The following TLCD4 variants were observed in gnomAD, a reference collection of about 807,000 sequenced individuals.
The protein encoded by TLCD4 is TLC domain containing 4, also known as TLC domain-containing protein 4.
Under a neutral mutation model 24.2 loss-of-function variants are expected in TLCD4, and 7 were observed. That is an observed-to-expected ratio of 0.29 (90% CI 0.16 to 0.54). The LOEUF is 0.54. Among genes scored for constraint, TLCD4 ranks in the 20% least tolerant of loss-of-function variants. The probability of loss-of-function intolerance (pLI) is 0.95; values close to 1 mark genes in which losing one functional copy is unlikely to be tolerated. For missense variants in TLCD4, 259 were observed against 313.9 expected (o/e 0.82, Z 1.32); for synonymous variants, 103 against 106.4 (o/e 0.97, Z 0.20).
intron 6 of TLCD4, among the ~76,000 whole-genome samples, chr1:95,189,717 A>G (rs1455652410): frequency 6.6e-6 from 1 of 152,204 alleles, no homozygotes. Flanking sequence ...TTACATTGAT[A>G]GTTTATTTTT....
Position 95,173,832 on chromosome 1 carries a change from C to T in TLCD4, c.416C>T (p.Ala139Val). The change falls in exon 6 of 7, where the codon GCA becomes GTA. Residue 139 changes from alanine (A) to valine (V), a missense_variant. Coordinates refer to ENST00000370203, the MANE Select transcript of TLCD4 (RefSeq NM_152487.3). ...ATCATTCAGAAAAATGGAGTGCTGGCATACATTGGGAATTTTCGCCTGCTT... is the reference window on the plus strand; with the variant it reads ...ATCATTCAGAAAAATGGAGTGCTGGTATACATTGGGAATTTTCGCCTGCTT... ...YYLVLKNGVL[A>V]YIGNFRLLAE... 1 of 1,614,096 alleles carries T rather than the reference C, an allele frequency of 6.2e-7. No homozygotes were observed. Among genetic ancestry groups the T allele is most frequent in the Non-Finnish European group, 8.5e-7 (1 of 1,180,024 alleles).
intron 3 of TLCD4, among the ~76,000 whole-genome samples, chr1:95,149,183 A>G (rs1318953949): frequency 1.3e-5 from 2 of 152,196 alleles, no homozygotes; most frequent in African/African-American, 2.4e-5. Context: ...GACTCATTTG[A>G]TATCAAAGAG....
At chr1:95,161,746 C>T (rs957204803) in intron 5 of TLCD4, among the ~76,000 whole-genome samples, 1 of 152,148 alleles carries the variant, frequency 6.6e-6, no homozygotes, top group Admixed American at 6.5e-5. Flanking sequence ...TTTCTGCCTT[C>T]ATTTCGTTAT....
the TLCD4 span, among the ~76,000 whole-genome samples, chr1:95,098,265 G>C: frequency 6.6e-6 from 1 of 152,132 alleles, no homozygotes; most frequent in South Asian, 2.1e-4. Context: ...AGTCCTCGCT[G>C]CCTCATAACT....
chr1:95,158,554 A>AACATGCAGGTTTGTTACATATGTAT (rs1677696455), intron 5 of TLCD4, among the ~76,000 whole-genome samples: 1 of 151,910 alleles, frequency 6.6e-6, no homozygotes, highest in Admixed American at 6.6e-5. Context: ...ACATGTGCAC[A>AACATGCAGGTTTGTTACATATGTAT]ACATGCAGGT....
intron 1 of TLCD4, among the ~76,000 whole-genome samples, chr1:95,127,959 T>C (rs968845153): frequency 1.3e-5 from 2 of 152,176 alleles, no homozygotes; most frequent in African/African-American, 4.8e-5. Context: ...AAGATTTCTT[T>C]ATAAAAGTTT....
intron 6 of TLCD4, among the ~76,000 whole-genome samples, chr1:95,190,910 T>G (rs1159537450): frequency 6.6e-6 from 1 of 152,200 alleles, no homozygotes; most frequent in South Asian, 2.1e-4. Flanking sequence ...TTTAAATATT[T>G]TTTCCTAGTG....
At chr1:95,130,123 T>C (rs1676847267) in intron 1 of TLCD4, among the ~76,000 whole-genome samples, 1 of 152,092 alleles carries the variant, frequency 6.6e-6, no homozygotes, top group Non-Finnish European at 1.5e-5. Flanking sequence ...AAGTCGAAAA[T>C]GAGTAGTTGA....
chr1:95,119,470 G>A (rs1676513520), intron 1 of TLCD4, among the ~76,000 whole-genome samples: 2 of 152,146 alleles, frequency 1.3e-5, no homozygotes, highest in South Asian at 4.1e-4. Context: ...AGTCCTCCCT[G>A]TAACCAGATA....
chr1:95,166,734 C>T (rs1459435979), intron 5 of TLCD4, among the ~76,000 whole-genome samples: 1 of 151,940 alleles, frequency 6.6e-6, no homozygotes, highest in African/African-American at 2.4e-5. Flanking sequence ...TTACCTTGTT[C>T]AGTTGTTTTT....
intron 6 of TLCD4, among the ~76,000 whole-genome samples, chr1:95,178,924 T>A (rs1168624651): frequency 1.3e-5 from 2 of 152,254 alleles, no homozygotes; most frequent in Admixed American, 1.3e-4. Context: ...ACTTGGTTAC[T>A]GCTGCTCAAC....
intron 1 of TLCD4, among the ~76,000 whole-genome samples, chr1:95,143,465 CTTGA>C (rs111905912): frequency 0.017 from 2,646 of 152,044 alleles, 82 homozygotes; most frequent in African/African-American, 0.061. Context: ...TGGTTTTTGG[CTTGA>C]TTGTTTCTTA....
intron 5 of TLCD4, among the ~76,000 whole-genome samples, chr1:95,163,030 T>C (rs1167624472): frequency 1.3e-5 from 2 of 152,198 alleles, no homozygotes; most frequent in African/African-American, 4.8e-5. Flanking sequence ...CTGTATTTCC[T>C]GAATTTGAAT....
At chr1:95,142,039 A>G (rs1418734764) in intron 1 of TLCD4, among the ~76,000 whole-genome samples, 3 of 150,446 alleles carry the variant, frequency 2.0e-5, no homozygotes, top group Non-Finnish European at 4.4e-5. Flanking sequence ...ATGTGTATTG[A>G]TTTATTTCTT....
intron 6 of TLCD4, among the ~76,000 whole-genome samples, chr1:95,181,865 C>T (rs991010710): frequency 9.9e-5 from 15 of 152,116 alleles, no homozygotes; most frequent in Middle Eastern, 3.2e-3. Flanking sequence ...GTGATCCACC[C>T]GCCTCGGCCT....
chr1:95,092,997 C>A, the TLCD4 span, among the ~76,000 whole-genome samples: 23 of 152,334 alleles, frequency 1.5e-4, no homozygotes, highest in Admixed American at 1.5e-3. Context: ...CCTCAGCCTC[C>A]CAGAGTGCTG....
chr1:95,128,917 G>T (rs569822708), intron 1 of TLCD4, among the ~76,000 whole-genome samples: 1 of 152,330 alleles, frequency 6.6e-6, no homozygotes, highest in Admixed American at 6.5e-5. Flanking sequence ...GAAATGTGTA[G>T]CAGAGTTGTG....
At chr1:95,127,947 CAAAGATTTCTT>C (rs1676783691) in intron 1 of TLCD4, among the ~76,000 whole-genome samples, 1 of 152,148 alleles carries the variant, frequency 6.6e-6, no homozygotes, top group African/African-American at 2.4e-5. Context: ...GGTTGAAAAA[CAAAGATTTCTT>C]TATAAAAGTT....
At chr1:95,134,847 A>T (rs1445144257) in intron 1 of TLCD4, among the ~76,000 whole-genome samples, 1 of 152,232 alleles carries the variant, frequency 6.6e-6, no homozygotes. Context: ...GACTAGGTGC[A>T]CACCATATGC....
Sources: gnomAD v4.1 joint callset for allele counts (sites outside exome capture counted in the v4.1 genomes callset) on GRCh38, gnomAD v4.1.1 for gene constraint, MANE v1.5 for transcripts, NCBI Gene and HGNC (gene_info 2026-07-23, HGNC 2026-07-21) for gene names.